Variants in TMEM168 observed in about 807,000 individuals in gnomAD.
TMEM168 encodes transmembrane protein 168.
TMEM168 carries 40 observed loss-of-function variants against 53.2 expected under a neutral mutation model. That is an observed-to-expected ratio of 0.75 (90% CI 0.58 to 0.98). The LOEUF is 0.98. Ranked by LOEUF, TMEM168 falls within the 50% of genes least tolerant of loss-of-function variation. The pLI is 0.00. For missense variants in TMEM168, 771 were observed against 828.8 expected (o/e 0.93, Z 0.86); for synonymous variants, 282 against 293.0 (o/e 0.96, Z 0.38).
Position 112,775,332 on chromosome 7 carries a change from A to C in TMEM168, c.1129-14T>G. On this transcript the variant is annotated splice_polypyrimidine_tract_variant and intron_variant, in intron 2 of 4. Coordinates refer to ENST00000312814, the MANE Select transcript of TMEM168 (RefSeq NM_022484.6). The stretch of plus-strand genomic sequence containing the variant: ...TCCATTTGTTGGCTAAAAGAAATCC[A>C]AAACATGTTTACATAGTACATGTAC... 6.2e-7 allele frequency: 1 copy of C among 1,611,594 alleles called. No homozygotes were observed. Among genetic ancestry groups the C allele is most frequent in the Non-Finnish European group, 8.5e-7 (1 of 1,178,610 alleles).
chr7:112,767,970 A>T (rs1178353798), intron 4 of TMEM168, among the ~76,000 whole-genome samples: 1 of 152,210 alleles, frequency 6.6e-6, no homozygotes, highest in Non-Finnish European at 1.5e-5. Flanking sequence ...GGTAAAAAAA[A>T]TCCTTATTAC....
intron 1 of TMEM168, among the ~76,000 whole-genome samples, chr7:112,788,034 A>T (rs1372413460): frequency 6.6e-6 from 1 of 152,064 alleles, no homozygotes; most frequent in African/African-American, 2.4e-5. Flanking sequence ...ACCCGGCCAT[A>T]TCCTGCATAT....
intron 1 of TMEM168, 134 bp from the exon 2 acceptor site, chr7:112,785,087 C>A: frequency 1.0e-5 from 3 of 287,878 alleles, no homozygotes; most frequent in South Asian, 1.6e-4. Context: ...TTTGCAATAT[C>A]TTAATGAATA....
chr7:112,769,665 G>A (rs1792880539), intron 4 of TMEM168, among the ~76,000 whole-genome samples: 2 of 152,116 alleles, frequency 1.3e-5, no homozygotes, highest in Non-Finnish European at 2.9e-5. Context: ...CAGATTCAAA[G>A]TACTTACATT....
rs944685658 is a variant in TMEM168, at chr7:112,764,507, T to C, written c.*2690A>G. 1.3e-5 allele frequency: 2 copies of C among 151,688 alleles called. No homozygotes were observed. The highest frequency in any genetic ancestry group is 6.6e-5 in the Admixed American group (1 of 15,246). The allele number at this position is 151,688 out of a possible 1,614,324, so 9.4% of individuals were successfully genotyped here. A position where few individuals can be genotyped will look rare whatever the true frequency, so the allele number is the denominator to read the frequency against. ...ACCCTTATTATTTTTTTTGTTTGTT[T>C]CTTTTTTTTTTTGAGATGGAGTCTC... On this transcript the variant is annotated 3_prime_UTR_variant, in exon 5 of 5. Transcript: ENST00000312814.
In TMEM168 at chr7:112,774,373, T is replaced by A. The variant is rs1030024852; in HGVS notation, c.1271+803A>T. Among the ~76,000 whole-genome samples, 739 of 148,708 alleles carry A rather than the reference T, an allele frequency of 5.0e-3. 2 individuals carry two copies. The highest frequency in any genetic ancestry group is 0.017 in the African/African-American group (683 of 40,410). On this transcript the variant is annotated intron_variant, in intron 3 of 4. Coordinates refer to ENST00000312814, the MANE Select transcript of TMEM168 (RefSeq NM_022484.6). ...AGTGTTTTTACATTTTTTTTTTTTTTTTTTTTTTTTTTAGTGCTTCATACC... is the reference window on the plus strand; with the variant it reads ...AGTGTTTTTACATTTTTTTTTTTTTATTTTTTTTTTTTAGTGCTTCATACC...
intron 2 of TMEM168, among the ~76,000 whole-genome samples, chr7:112,776,334 T>C (rs940010460): frequency 4.6e-5 from 7 of 151,618 alleles, no homozygotes; most frequent in African/African-American, 1.2e-4. Flanking sequence ...TTAACTGCAA[T>C]GAAAAAGCAG....
At chr7:112,789,926 C>G (rs1200169687) in intron 1 of TMEM168, among the ~76,000 whole-genome samples, 3 of 152,216 alleles carry the variant, frequency 2.0e-5, no homozygotes, top group Admixed American at 2.0e-4. Flanking sequence ...TCCTCTGCCT[C>G]GGAGAACGCG....
intron 4 of TMEM168, among the ~76,000 whole-genome samples, chr7:112,770,643 T>C (rs1009070894): frequency 5.3e-5 from 8 of 152,140 alleles, no homozygotes; most frequent in African/African-American, 1.9e-4. Flanking sequence ...TTTTTACTTT[T>C]CTTAGAAAAA....
intron 4 of TMEM168, among the ~76,000 whole-genome samples, chr7:112,772,545 G>A (rs1792953795): frequency 6.6e-6 from 1 of 152,174 alleles, no homozygotes. Context: ...AAGGGAAACT[G>A]TAAGTCTCAA....
At chr7:112,771,968 G>A (rs1792940970) in intron 4 of TMEM168, among the ~76,000 whole-genome samples, 1 of 151,800 alleles carries the variant, frequency 6.6e-6, no homozygotes, top group African/African-American at 2.4e-5. Flanking sequence ...GCTACTTAAG[G>A]ATCCTCTACT....
chr7:112,782,891 CT>C (rs1793269184), intron 2 of TMEM168, among the ~76,000 whole-genome samples: 1 of 152,138 alleles, frequency 6.6e-6, no homozygotes, highest in Admixed American at 6.5e-5. Flanking sequence ...ATTTATCACA[CT>C]GTAATCATAA....
At chr7:112,767,778 T>C in intron 4 of TMEM168, 34 bp from the exon 5 acceptor site, 10 of 1,544,306 alleles carry the variant, frequency 6.5e-6, no homozygotes, top group Non-Finnish European at 8.7e-6. Context: ...GGAGCAATAA[T>C]TTCTGCAGCC....
rs1458996400 is a variant in TMEM168, at chr7:112,762,860, A to G, written c.*4337T>C. On this transcript the variant is annotated 3_prime_UTR_variant, in exon 5 of 5. Transcript: ENST00000312814. ...TCGTTTTATATTGTTTCTATGTGTTATAATTAGTGAATAGGTAAGACAATA... is the reference window on the plus strand; with the variant it reads ...TCGTTTTATATTGTTTCTATGTGTTGTAATTAGTGAATAGGTAAGACAATA... 1 of 152,092 alleles carries G rather than the reference A, an allele frequency of 6.6e-6. No individual in the cohort carries two copies. The highest frequency in any genetic ancestry group is 1.5e-5 in the Non-Finnish European group (1 of 67,930). The allele number at this position is 152,092 out of a possible 1,614,324, so 9.4% of individuals were successfully genotyped here. A position where few individuals can be genotyped will look rare whatever the true frequency, so the allele number is the denominator to read the frequency against.
In TMEM168 at chr7:112,784,099, A is replaced by C. The variant is rs778729079; in HGVS notation, c.727T>G (p.Phe243Val). The C allele has an allele frequency of 5.0e-6, 8 of 1,613,486 alleles. No individual in the cohort carries two copies. Among genetic ancestry groups the C allele is most frequent in the Non-Finnish European group, 3.4e-6 (4 of 1,179,900 alleles). The change falls in exon 2 of 5, where the codon TTT (phenylalanine) becomes GTT (valine). Residue 243 changes from phenylalanine (F) to valine (V), a missense_variant. Phe to Val is a conservative substitution (Grantham distance 50). Transcript: ENST00000312814. ...CTTTCAGTTACTGAAAGTCCACTAA[A>C]ATAAATGTCAAGGAAAGGATCAGTT... ...LITDPFLDIYFSGLSVTERWK... is the reference protein window; with the variant it reads ...LITDPFLDIYVSGLSVTERWK...
Position 112,784,122 on chromosome 7 carries a change from GT to G in TMEM168, c.703del (p.Thr235LeufsTer14). 1 of 1,614,000 alleles carries G rather than the reference GT, an allele frequency of 6.2e-7. No homozygotes were observed. Among genetic ancestry groups the G allele is most frequent in the South Asian group, 1.1e-5 (1 of 91,038 alleles). ...AAAATAAATGTCAAGGAAAGGATCA[GT>G]TATCAGGCAAATAAAAAAACACGCA... ...AFACFFICLI[T>X]DPFLDIYFSG... On this transcript the variant is annotated frameshift_variant, in exon 2 of 5. Coordinates refer to ENST00000312814, the MANE Select transcript of TMEM168 (RefSeq NM_022484.6). LOFTEE classifies it high-confidence loss of function.
At chr7:112,782,573 T>G (rs1185782269) in intron 2 of TMEM168, among the ~76,000 whole-genome samples, 1 of 152,046 alleles carries the variant, frequency 6.6e-6, no homozygotes, top group Non-Finnish European at 1.5e-5. Flanking sequence ...GTAAGGACAA[T>G]ATCCTCAGGC....
At chr7:112,768,104 G>C (rs933267916) in intron 4 of TMEM168, among the ~76,000 whole-genome samples, 3 of 152,108 alleles carry the variant, frequency 2.0e-5, no homozygotes, top group Non-Finnish European at 2.9e-5. Context: ...CAACTCATGG[G>C]CCAGATCCAG....
At chr7:112,780,738 G>A (rs1793204555) in intron 2 of TMEM168, among the ~76,000 whole-genome samples, 1 of 152,038 alleles carries the variant, frequency 6.6e-6, no homozygotes, top group African/African-American at 2.4e-5. Context: ...ACAAAAGTCA[G>A]GCTCAAAAGA....
Sources: gnomAD v4.1 joint callset for allele counts (sites outside exome capture counted in the v4.1 genomes callset) on GRCh38, gnomAD v4.1.1 for gene constraint, MANE v1.5 for transcripts, NCBI Gene and HGNC (gene_info 2026-07-23, HGNC 2026-07-21) for gene names.